The following SPAG16 variants were observed in gnomAD, a reference collection of about 807,000 sequenced individuals.
The protein encoded by SPAG16 is sperm associated antigen 16.
A neutral mutation model predicts 80.4 loss-of-function variants in SPAG16; 86 were observed. That is an observed-to-expected ratio of 1.07 (90% CI 0.90 to 1.28). The LOEUF (loss-of-function observed/expected upper bound fraction) is 1.28. SPAG16 is among the 50% of genes most tolerant of loss of function. The pLI is 0.00. For missense variants in SPAG16, 870 were observed against 765.3 expected, an observed-to-expected ratio of 1.14 and a Z score of -1.61; for synonymous variants, 294 against 265.9, an observed-to-expected ratio of 1.11 and a Z score of -1.03.
intron 11 of SPAG16, among the ~76,000 whole-genome samples, chr2:213,888,174 T>C (rs935830261): frequency 1.3e-5 from 2 of 151,946 alleles, no homozygotes; most frequent in African/African-American, 2.4e-5. Context: ...AAGGGAATTA[T>C]ATTACCTTTC....
chr2:213,697,603 T>C (rs2065214610), intron 10 of SPAG16, among the ~76,000 whole-genome samples: 1 of 152,180 alleles, frequency 6.6e-6, no homozygotes, highest in Non-Finnish European at 1.5e-5. Flanking sequence ...AACACCATGA[T>C]TTTAGCCCAG....
chr2:213,840,024 C>G (rs1355107622), intron 10 of SPAG16, among the ~76,000 whole-genome samples: 1 of 152,116 alleles, frequency 6.6e-6, no homozygotes, highest in Non-Finnish European at 1.5e-5. Flanking sequence ...AGCATTCCAG[C>G]TTTATAATTA....
At chr2:214,041,982 A>ATG (rs2049044621) in intron 13 of SPAG16, among the ~76,000 whole-genome samples, 1 of 118,720 alleles carries the variant, frequency 8.4e-6, no homozygotes, top group African/African-American at 3.8e-5. Context: ...GTGTGTGTAT[A>ATG]TATATATATA....
intron 13 of SPAG16, among the ~76,000 whole-genome samples, chr2:214,053,538 C>G (rs2049772982): frequency 6.6e-6 from 1 of 152,092 alleles, no homozygotes; most frequent in Non-Finnish European, 1.5e-5. Context: ...GCAAAAGAAA[C>G]CTTTCCCCAG....
intron 9 of SPAG16, among the ~76,000 whole-genome samples, chr2:213,458,762 T>C (rs558276543): frequency 3.0e-4 from 45 of 152,348 alleles, no homozygotes; most frequent in African/African-American, 1.1e-3. Context: ...CTTATTCTAT[T>C]GAGAAGTTGT....
At chr2:213,747,065 G>A (rs1194185425) in intron 10 of SPAG16, among the ~76,000 whole-genome samples, 2 of 152,132 alleles carry the variant, frequency 1.3e-5, no homozygotes, top group Non-Finnish European at 2.9e-5. Context: ...AAGACCTTCC[G>A]GGGGACAAGA....
chr2:213,463,320 G>C (rs756769093), intron 9 of SPAG16, among the ~76,000 whole-genome samples: 1 of 152,256 alleles, frequency 6.6e-6, no homozygotes, highest in Non-Finnish European at 1.5e-5. Flanking sequence ...ATTCAAGCCA[G>C]CTGCAGAAAT....
intron 7 of SPAG16, among the ~76,000 whole-genome samples, chr2:213,358,379 C>T (rs2065788563): frequency 1.3e-5 from 2 of 152,186 alleles, no homozygotes; most frequent in Non-Finnish European, 2.9e-5. Context: ...TTCTCCCCAT[C>T]ACTTTCAGGT....
intron 9 of SPAG16, among the ~76,000 whole-genome samples, chr2:213,417,056 G>C (rs1031211367): frequency 1.3e-5 from 2 of 152,162 alleles, no homozygotes; most frequent in Non-Finnish European, 2.9e-5. Flanking sequence ...ATTGACTCGT[G>C]GGGTGTATGG....
intron 10 of SPAG16, among the ~76,000 whole-genome samples, chr2:213,796,993 C>T (rs182962324): frequency 1.7e-4 from 25 of 151,420 alleles, no homozygotes; most frequent in Admixed American, 9.9e-4. Context: ...GATCCTGACA[C>T]GCTGTGTAGG....
intron 10 of SPAG16, among the ~76,000 whole-genome samples, chr2:213,592,306 A>G (rs2060721659): frequency 6.6e-6 from 1 of 152,182 alleles, no homozygotes; most frequent in Non-Finnish European, 1.5e-5. Flanking sequence ...AAATATCTTT[A>G]TGTCTCAGAT....
chr2:213,423,061 AG>A (rs1218147964), intron 9 of SPAG16, among the ~76,000 whole-genome samples: 2 of 152,252 alleles, frequency 1.3e-5, no homozygotes, highest in Non-Finnish European at 2.9e-5. Flanking sequence ...CAAGTCAGAC[AG>A]AAGTGTAAGG....
chr2:214,254,762 C>G (rs761689552), intron 15 of SPAG16, among the ~76,000 whole-genome samples: 1 of 146,340 alleles, frequency 6.8e-6, no homozygotes, highest in Non-Finnish European at 1.5e-5. Flanking sequence ...TATAACTAGG[C>G]TAGGAGTAAA....
chr2:213,811,918 G>A (rs568247346), intron 10 of SPAG16, among the ~76,000 whole-genome samples: 19 of 152,130 alleles, frequency 1.2e-4, no homozygotes, highest in African/African-American at 3.9e-4. Flanking sequence ...AGCTGCAGGC[G>A]ACCTGAGGGA....
chr2:213,588,741 G>T (rs2060562769), intron 10 of SPAG16, among the ~76,000 whole-genome samples: 1 of 138,962 alleles, frequency 7.2e-6, no homozygotes, highest in Non-Finnish European at 1.5e-5. Flanking sequence ...AGCAGAGCTT[G>T]CAGTGAGCCG....
intron 15 of SPAG16, among the ~76,000 whole-genome samples, chr2:214,326,252 G>A (rs571043196): frequency 6.6e-6 from 1 of 152,188 alleles, no homozygotes; most frequent in Non-Finnish European, 1.5e-5. Flanking sequence ...AGGAGGCAAT[G>A]TGGAAGTTGA....
chr2:214,317,094 A>T (rs1695748767), intron 15 of SPAG16, among the ~76,000 whole-genome samples: 1 of 152,160 alleles, frequency 6.6e-6, no homozygotes, highest in South Asian at 2.1e-4. Flanking sequence ...CTGAATGCAA[A>T]TTGCAGGTAT....
At chr2:214,115,378 T>C (rs1471741091) in intron 14 of SPAG16, among the ~76,000 whole-genome samples, 1 of 152,238 alleles carries the variant, frequency 6.6e-6, no homozygotes, top group Non-Finnish European at 1.5e-5. Context: ...GTATTAGCCT[T>C]GCTCATTACT....
At chr2:213,658,195 A>G (rs2063289656) in intron 10 of SPAG16, among the ~76,000 whole-genome samples, 1 of 150,778 alleles carries the variant, frequency 6.6e-6, no homozygotes. Context: ...AGCCTACTCC[A>G]GTCTCATCTT....
Sources: allele counts gnomAD v4.1 joint callset (sites outside exome capture counted in the v4.1 genomes callset), GRCh38; gene constraint gnomAD v4.1.1; transcripts MANE v1.5; gene names NCBI Gene and HGNC (gene_info 2026-07-23, HGNC 2026-07-21).